The following VSNL1 variants were observed in gnomAD, a reference collection of about 807,000 sequenced individuals.
VSNL1 encodes visinin-like protein 1.
A neutral mutation model predicts 20.4 loss-of-function variants in VSNL1; 6 were observed. The observed-to-expected ratio is 0.29, with a 90% confidence interval of 0.16 to 0.58. The LOEUF is 0.58. Ranked by LOEUF, VSNL1 falls within the 20% of genes least tolerant of loss-of-function variation. VSNL1 has a pLI of 0.90. For missense variants in VSNL1, 100 were observed against 234.5 expected (o/e 0.43, Z 3.75); for synonymous variants, 93 against 86.4 (o/e 1.08, Z -0.42).
intron 2 of VSNL1, among the ~76,000 whole-genome samples, chr2:17,643,994 T>C (rs1295238139): frequency 6.6e-6 from 1 of 152,112 alleles, no homozygotes; most frequent in Admixed American, 6.5e-5. Flanking sequence ...CGTTCCTTCT[T>C]CTGAGAACAA....
intron 1 of VSNL1, among the ~76,000 whole-genome samples, chr2:17,551,234 A>G (rs2103339031): frequency 6.6e-6 from 1 of 152,326 alleles, no homozygotes; most frequent in South Asian, 2.1e-4. Context: ...CCCTCCCTAG[A>G]AACAGCAGAG....
chr2:17,613,885 G>A (rs1383375949), intron 2 of VSNL1, among the ~76,000 whole-genome samples: 2 of 152,198 alleles, frequency 1.3e-5, no homozygotes, highest in African/African-American at 4.8e-5. Flanking sequence ...CAATCAGACA[G>A]ATCTTGCTCC....
rs898895960 is a variant in VSNL1, at chr2:17,656,445, G to T, written c.*1051G>T. 6.6e-6 allele frequency: 1 copy of T among 152,186 alleles called. No individual in the cohort carries two copies. Among genetic ancestry groups the T allele is most frequent in the Admixed American group, 6.5e-5 (1 of 15,282 alleles). 9.4% of individuals were successfully genotyped at this position (152,186 alleles called of 1,614,324 possible). A position where few individuals can be genotyped will look rare whatever the true frequency, so the allele number is the denominator to read the frequency against. On this transcript the variant is annotated 3_prime_UTR_variant, in exon 4 of 4. Coordinates refer to ENST00000295156, the MANE Select transcript of VSNL1 (RefSeq NM_003385.5). Reference sequence around the variant, plus strand: ...TAAATTTTATCTCAGTGTGACTTTGGTGCTAACAACGTATGTTCAGTGCAA... The same window carrying T: ...TAAATTTTATCTCAGTGTGACTTTGTTGCTAACAACGTATGTTCAGTGCAA...
chr2:17,622,601 A>AAAGAAAGAAAGAAAGG (rs1349807130), intron 2 of VSNL1, among the ~76,000 whole-genome samples: 20 of 126,724 alleles, frequency 1.6e-4, no homozygotes, highest in African/African-American at 5.4e-4. Flanking sequence ...AGAAAGAAAG[A>AAAGAAAGAAAGAAAGG]AAAGAAAGAA....
At chr2:17,629,872 C>G (rs555068255) in intron 2 of VSNL1, among the ~76,000 whole-genome samples, 12 of 152,240 alleles carry the variant, frequency 7.9e-5, no homozygotes, top group Admixed American at 2.6e-4. Context: ...GGGGTGGTCC[C>G]CCACCCCCAC....
intron 1 of VSNL1, among the ~76,000 whole-genome samples, chr2:17,564,618 A>G (rs997463243): frequency 2.3e-4 from 35 of 152,172 alleles, no homozygotes; most frequent in African/African-American, 6.5e-4. Context: ...GAATTTCTCA[A>G]GTTGCTTTAC....
chr2:17,575,476 C>T (rs946037329), intron 1 of VSNL1, among the ~76,000 whole-genome samples: 1 of 152,134 alleles, frequency 6.6e-6, no homozygotes, highest in African/African-American at 2.4e-5. Context: ...CTTTGGACCT[C>T]AACCTTCTCA....
At chr2:17,631,060 G>T (rs1489648513) in intron 2 of VSNL1, among the ~76,000 whole-genome samples, 1 of 152,184 alleles carries the variant, frequency 6.6e-6, no homozygotes, top group African/African-American at 2.4e-5. Flanking sequence ...GATTACAGGC[G>T]TGAGCCACTG....
chr2:17,597,229 C>A (rs1188064547), intron 2 of VSNL1, among the ~76,000 whole-genome samples: 1 of 152,244 alleles, frequency 6.6e-6, no homozygotes, highest in African/African-American at 2.4e-5. Context: ...TAAGCACAAA[C>A]CCTTCCCCAG....
At chr2:17,554,413 T>C (rs928455002) in intron 1 of VSNL1, among the ~76,000 whole-genome samples, 2 of 152,212 alleles carry the variant, frequency 1.3e-5, no homozygotes, top group African/African-American at 2.4e-5. Flanking sequence ...CCGATTGTTA[T>C]CATGGTGACT....
intron 2 of VSNL1, among the ~76,000 whole-genome samples, chr2:17,619,676 T>C (rs1665308173): frequency 6.6e-6 from 1 of 152,124 alleles, no homozygotes; most frequent in African/African-American, 2.4e-5. Flanking sequence ...TTAGAACTCA[T>C]GGTCCTGACT....
At chr2:17,629,844 G>A (rs930480736) in intron 2 of VSNL1, among the ~76,000 whole-genome samples, 3 of 152,226 alleles carry the variant, frequency 2.0e-5, no homozygotes, top group African/African-American at 4.8e-5. Context: ...ACAGCTCTCA[G>A]CTGAGAGGGG....
Position 17,655,262 on chromosome 2 carries a change from G to A in VSNL1, c.444G>A (p.Glu148=). ...TGAATGAGGATGGCCTGACGCCTGA[G>A]CAGCGAGTAGACAAGATTTTCAGCA... is the stretch of plus-strand genomic sequence containing the variant. ...MKMNEDGLTP[E]QRVDKIFSKM... is the part of the protein sequence containing the mutation. The change falls in exon 4 of 4, where the codon GAG becomes GAA. Residue 148 remains glutamate, a synonymous_variant. Transcript: ENST00000295156. This position sits in a 1 kb window ranked among gnomAD's most constrained non-coding sequence, Gnocchi z 5.2. 1 of 1,614,166 alleles carries A rather than the reference G, an allele frequency of 6.2e-7. No homozygotes were observed. Among genetic ancestry groups the A allele is most frequent in the East Asian group, 2.2e-5 (1 of 44,888 alleles).
rs200732014 is a variant in VSNL1, at chr2:17,651,426, G to A, written c.378+1801G>A. Among the ~76,000 whole-genome samples the A allele has an allele frequency of 2.5e-4, 38 of 152,354 alleles. No homozygotes were observed. The East Asian group carries it at 5.0e-3, about 20-fold the overall frequency. On this transcript the variant is annotated intron_variant, in intron 3 of 3. Coordinates refer to ENST00000295156, the MANE Select transcript of VSNL1 (RefSeq NM_003385.5). ...GGACACTTCTATGATTAGATACCTA[G>A]GAGGAGGGCACACAGACCAATGCAA...
intron 2 of VSNL1, among the ~76,000 whole-genome samples, chr2:17,631,077 G>A (rs1160154628): frequency 6.6e-6 from 1 of 152,162 alleles, no homozygotes; most frequent in African/African-American, 2.4e-5. Context: ...ACTGTGCGCA[G>A]CCCAAAATGG....
chr2:17,622,605 G>GAAAAC (rs1665412398), intron 2 of VSNL1, among the ~76,000 whole-genome samples: 1 of 134,350 alleles, frequency 7.4e-6, no homozygotes, highest in East Asian at 2.4e-4. Context: ...AGAAAGAAAA[G>GAAAAC]AAAGAAAGAT....
At chr2:17,570,850 A>G (rs184386506) in intron 1 of VSNL1, among the ~76,000 whole-genome samples, 2 of 152,182 alleles carry the variant, frequency 1.3e-5, no homozygotes, top group Non-Finnish European at 2.9e-5. Context: ...TTCGAGGCCA[A>G]CCTGGCCATG....
intron 3 of VSNL1, among the ~76,000 whole-genome samples, chr2:17,654,474 CT>C (rs1276434219): frequency 1.3e-5 from 2 of 152,118 alleles, no homozygotes; most frequent in Non-Finnish European, 2.9e-5. Context: ...AAGGCTAGTG[CT>C]TTTTGACTGT....
chr2:17,549,851 T>C (rs991862295), intron 1 of VSNL1, among the ~76,000 whole-genome samples: 4 of 152,244 alleles, frequency 2.6e-5, no homozygotes, highest in Non-Finnish European at 5.9e-5. Context: ...CATTTCATTG[T>C]TGTTCTGAAG....
Sources: allele counts gnomAD v4.1 joint callset (sites outside exome capture counted in the v4.1 genomes callset), GRCh38; gene constraint gnomAD v4.1.1; non-coding constraint Gnocchi (gnomAD v3.1); transcripts MANE v1.5; gene names NCBI Gene and HGNC (gene_info 2026-07-23, HGNC 2026-07-21).